The following DOCK4 variants were observed in gnomAD, a reference collection of about 807,000 sequenced individuals.
DOCK4 encodes dedicator of cytokinesis protein 4.
A neutral mutation model predicts 268.1 loss-of-function variants in DOCK4; 97 were observed. The ratio of observed to expected loss-of-function variants is 0.36; its 90% CI spans 0.31 to 0.43. DOCK4 has a LOEUF of 0.43. Ranked by LOEUF, DOCK4 falls within the 20% of genes least tolerant of loss-of-function variation. The probability of loss-of-function intolerance (pLI) is 1.00; values close to 1 mark genes in which losing one functional copy is unlikely to be tolerated. For missense variants in DOCK4, 2,145 were observed against 2,455.7 expected (o/e 0.87, Z 2.67); for synonymous variants, 954 against 887.2 (o/e 1.08, Z -1.34).
At chr7:111,885,274 A>C (rs1258958310) in intron 16 of DOCK4, among the ~76,000 whole-genome samples, 1 of 152,240 alleles carries the variant, frequency 6.6e-6, no homozygotes, top group Non-Finnish European at 1.5e-5. Context: ...CTTTGTTACC[A>C]TGGTAAAATC....
At chr7:111,969,080 G>T (rs1360764847) in intron 8 of DOCK4, among the ~76,000 whole-genome samples, 1 of 99,906 alleles carries the variant, frequency 1.0e-5, no homozygotes, top group African/African-American at 4.5e-5. Context: ...GGAGGGGGGA[G>T]GGATAGCATT....
intron 26 of DOCK4, among the ~76,000 whole-genome samples, chr7:111,823,596 C>A (rs1563553276): frequency 6.6e-6 from 1 of 151,742 alleles, no homozygotes; most frequent in Non-Finnish European, 1.5e-5. Context: ...AGATAATGTA[C>A]CACACACAAT....
intron 30 of DOCK4, among the ~76,000 whole-genome samples, chr7:111,797,413 T>C (rs1173713209): frequency 6.6e-6 from 1 of 152,210 alleles, no homozygotes; most frequent in East Asian, 1.9e-4. Context: ...TATAGAAGTT[T>C]TCCAAAATTT....
intron 8 of DOCK4, among the ~76,000 whole-genome samples, chr7:111,959,527 G>A (rs1796700942): frequency 1.3e-5 from 2 of 152,182 alleles, no homozygotes; most frequent in South Asian, 4.1e-4. Flanking sequence ...CTAGCACAGT[G>A]CAGGGAGTGA....
intron 10 of DOCK4, among the ~76,000 whole-genome samples, chr7:111,943,915 T>C (rs1562920939): frequency 6.6e-6 from 1 of 152,226 alleles, no homozygotes; most frequent in Non-Finnish European, 1.5e-5. Flanking sequence ...ATAAATCACC[T>C]TGCAGGACTA....
chr7:112,121,341 T>C (rs1277640810), intron 1 of DOCK4, among the ~76,000 whole-genome samples: 1 of 152,220 alleles, frequency 6.6e-6, no homozygotes, highest in Non-Finnish European at 1.5e-5. Context: ...GATGCTATCC[T>C]GTTATTAGAT....
rs779350692 is a variant in DOCK4, at chr7:111,994,135, C to T, written c.315G>A (p.Val105=). ...DWGTMWKQLY[V]RNEGDLFHRL... ...TCGTGTCATTAAAAAGCTACTTAAC[C>T]ACATAGAGTTGTTTCCACATGGTTC... The change falls in exon 5 of 53, where the codon GTG becomes GTA. Residue 105 remains valine (V), a splice_region_variant and synonymous_variant. Coordinates refer to ENST00000428084, the MANE Select transcript of DOCK4 (RefSeq NM_001363540.2). 1.3e-6 allele frequency: 2 copies of T among 1,580,250 alleles called. No homozygotes were observed. The highest frequency in any genetic ancestry group is 1.7e-6 in the Non-Finnish European group (2 of 1,162,000).
At position 111,790,638 on chromosome 7, in the gene DOCK4, A is replaced by G. The variant is rs375692738; in HGVS notation, c.3167-33T>C. The G allele has an allele frequency of 3.9e-5, 60 of 1,544,850 alleles. No individual in the cohort carries two copies. The African/African-American group carries it at 7.7e-4, about 20-fold the overall frequency. ...GAGAAAAATATTTGAGTTTCAATATATTCAATCTTAATATGATTTCAGAAA... is the reference window on the plus strand; with the variant it reads ...GAGAAAAATATTTGAGTTTCAATATGTTCAATCTTAATATGATTTCAGAAA... On this transcript the variant is annotated intron_variant, in intron 30 of 52. Transcript: ENST00000428084.
At chr7:111,993,353 AGCATG>A (rs1311685819) in intron 5 of DOCK4, among the ~76,000 whole-genome samples, 3 of 152,232 alleles carry the variant, frequency 2.0e-5, no homozygotes, top group Non-Finnish European at 4.4e-5. Flanking sequence ...AAGAAGAAAT[AGCATG>A]GGGTCTTCCC....
intron 1 of DOCK4, among the ~76,000 whole-genome samples, chr7:112,134,100 A>C (rs1043055974): frequency 1.3e-5 from 2 of 152,236 alleles, no homozygotes; most frequent in African/African-American, 4.8e-5. Context: ...TATTACTTTG[A>C]ATACTTCACT....
chr7:112,163,877 G>A (rs1817358991), intron 1 of DOCK4, among the ~76,000 whole-genome samples: 1 of 152,146 alleles, frequency 6.6e-6, no homozygotes, highest in Non-Finnish European at 1.5e-5. Context: ...CACACACATT[G>A]ATATGTGTCT....
chr7:111,783,054 G>A (rs1478328205), intron 34 of DOCK4, 130 bp from the exon 35 acceptor site: 1 of 806,212 alleles, frequency 1.2e-6, no homozygotes, highest in Non-Finnish European at 2.0e-6. Context: ...TTAGGGACCA[G>A]AGGCAATTTG....
In DOCK4 at chr7:111,844,862, C is replaced by T; in HGVS notation, c.2637G>A (p.Val879=). The change falls in exon 25 of 53, where the codon GTG becomes GTA. Residue 879 remains valine, a synonymous_variant. Transcript: ENST00000428084. ...KSVLEEIDVI[V]ASLLDILLRT... is the part of the protein sequence containing the mutation. ...TCAGCAGAATATCCAGCAAGCTGGC[C>T]ACTATCACATCTATTTCCTCCAGCA... 6.2e-7 allele frequency: 1 copy of T among 1,613,266 alleles called. No homozygotes were observed. Among genetic ancestry groups the T allele is most frequent in the Non-Finnish European group, 8.5e-7 (1 of 1,179,546 alleles).
At chr7:112,202,826 T>C (rs1306450852) in intron 1 of DOCK4, among the ~76,000 whole-genome samples, 1 of 151,928 alleles carries the variant, frequency 6.6e-6, no homozygotes, top group Non-Finnish European at 1.5e-5. Context: ...AAAATACATT[T>C]AAAAAACAAA....
intron 17 of DOCK4, among the ~76,000 whole-genome samples, chr7:111,874,473 C>T (rs1586236489): frequency 1.3e-5 from 2 of 152,316 alleles, no homozygotes; most frequent in Admixed American, 1.3e-4. Context: ...TGAATCTCTA[C>T]ACTGCTCATG....
intron 36 of DOCK4, 129 bp from the exon 37 acceptor site, chr7:111,769,806 T>C (rs1798006487): frequency 2.8e-6 from 3 of 1,087,546 alleles, no homozygotes; most frequent in African/African-American, 3.2e-5. Context: ...AGCAGAAAAA[T>C]ATCCAGAATA....
At chr7:112,067,870 G>T (rs1488978555) in intron 1 of DOCK4, among the ~76,000 whole-genome samples, 1 of 152,208 alleles carries the variant, frequency 6.6e-6, no homozygotes, top group Non-Finnish European at 1.5e-5. Flanking sequence ...CTGGCTGTTT[G>T]TTGCCACTGG....
At chr7:112,178,094 T>A (rs114601709) in intron 1 of DOCK4, among the ~76,000 whole-genome samples, 2,580 of 152,318 alleles carry the variant, frequency 0.017, 71 homozygotes, top group African/African-American at 0.058. Context: ...TCAGTATCAC[T>A]CTCTCATTCC....
intron 1 of DOCK4, among the ~76,000 whole-genome samples, chr7:112,090,464 T>C (rs1264094273): frequency 6.6e-6 from 1 of 152,204 alleles, no homozygotes; most frequent in Non-Finnish European, 1.5e-5. Context: ...AATATCTGTT[T>C]AGACAAACCA....
Sources: gnomAD v4.1 joint callset for allele counts (sites outside exome capture counted in the v4.1 genomes callset) on GRCh38, gnomAD v4.1.1 for gene constraint, MANE v1.5 for transcripts, NCBI Gene and HGNC (gene_info 2026-07-23, HGNC 2026-07-21) for gene names.